USP40: variants seen among roughly 807,000 people sequenced by gnomAD.
The protein encoded by USP40 is ubiquitin carboxyl-terminal hydrolase 40.
A neutral mutation model predicts 166.2 loss-of-function variants in USP40; 143 were observed. That is an observed-to-expected ratio of 0.86 (90% CI 0.75 to 0.99). The LOEUF (loss-of-function observed/expected upper bound fraction) is 0.99, where lower values mean the gene tolerates loss of function less well. USP40 is among the 50% of genes least tolerant of loss of function. The pLI, the probability that USP40 is intolerant of heterozygous loss-of-function variation, is 0.00. For synonymous variants in USP40, 498 were observed against 524.0 expected (o/e 0.95, Z 0.68); for missense variants, 1,444 against 1,479.7 (o/e 0.98, Z 0.40).
intron 18 of USP40, among the ~76,000 whole-genome samples, chr2:233,517,781 GGTGTGTGTGTGTGTGTGTGTGT>G (rs111938537): frequency 1.4e-5 from 2 of 142,170 alleles, no homozygotes; most frequent in African/African-American, 2.6e-5. Context: ...AAGAAACTGT[GGTGTGTGTGTGTGTGTGTGTGT>G]GTGTGTGTGT....
intron 30 of USP40, among the ~76,000 whole-genome samples, chr2:233,481,955 G>A (rs1381301445): frequency 6.6e-6 from 1 of 152,216 alleles, no homozygotes; most frequent in African/African-American, 2.4e-5. Context: ...ACAGCGCAGG[G>A]TCTGCGGGGT....
chr2:233,488,076 C>A, intron 28 of USP40, 163 bp downstream of exon 28: 1 of 731,400 alleles, frequency 1.4e-6, no homozygotes, highest in African/African-American at 1.7e-5. Flanking sequence ...GTTTTAGATG[C>A]CCAGACATAC....
Position 233,565,498 on chromosome 2 carries a change from T to C in USP40, c.57A>G (p.Gly19=). ...EYSTVSNNQY[G]KGKKLKTKAL... Reference sequence around the variant, plus strand: ...CTTTAGTCTTTAATTTCTTCCCTTTTCCATACTGATTATTAGACACAGTGG... The same window carrying C: ...CTTTAGTCTTTAATTTCTTCCCTTTCCCATACTGATTATTAGACACAGTGG... Residue 19 remains glycine, a synonymous_variant, in exon 2 of 32, where the codon GGA becomes GGG. Transcript: ENST00000678225. 1 of 1,537,266 alleles carries C rather than the reference T, an allele frequency of 6.5e-7. No individual in the cohort carries two copies. Among genetic ancestry groups the C allele is most frequent in the East Asian group, 2.4e-5 (1 of 41,032 alleles).
chr2:233,499,696 T>C (rs952205617), intron 22 of USP40, among the ~76,000 whole-genome samples, 183 bp downstream of exon 22: 15 of 152,202 alleles, frequency 9.9e-5, no homozygotes, highest in African/African-American at 3.6e-4. Context: ...GCTATACCAT[T>C]AGTTTTCTTT....
rs551390993 is a variant in USP40, at chr2:233,529,045, A to C, written c.1553+386T>G. On this transcript the variant is annotated intron_variant, in intron 12 of 31. Transcript: ENST00000678225. Reference sequence around the variant, plus strand: ...CCCACCACTGATCCTCTCTCACTACATGCCAGTTCGCTACAACTACTTACC... The same window carrying C: ...CCCACCACTGATCCTCTCTCACTACCTGCCAGTTCGCTACAACTACTTACC... Among the ~76,000 whole-genome samples, 25 of 152,266 alleles carry C rather than the reference A, an allele frequency of 1.6e-4. No individual in the cohort carries two copies. In the South Asian group the frequency reaches 2.1e-3, roughly 13 times the overall value.
At chr2:233,540,548 C>T (rs937961677) in intron 10 of USP40, 114 bp downstream of exon 10, 67 of 630,800 alleles carry the variant, frequency 1.1e-4, no homozygotes, top group African/African-American at 9.6e-4. Flanking sequence ...TATACAAATA[C>T]GGTGATTTTA....
chr2:233,534,290 A>C (rs1430983685), intron 10 of USP40, among the ~76,000 whole-genome samples: 1 of 152,176 alleles, frequency 6.6e-6, no homozygotes, highest in Non-Finnish European at 1.5e-5. Context: ...TCAGAAAATC[A>C]AAGCATAGTA....
chr2:233,548,030 C>G (rs1053413516), intron 8 of USP40, among the ~76,000 whole-genome samples: 1 of 151,798 alleles, frequency 6.6e-6, no homozygotes, highest in Non-Finnish European at 1.5e-5. Flanking sequence ...AAAAAATGAA[C>G]AATGGAATAG....
Position 233,491,239 on chromosome 2 carries a change from C to A in USP40, c.2940G>T (p.Ala980=), listed in dbSNP as rs557080356. The change falls in exon 26 of 32, where the codon GCG becomes GCT. Residue 980 remains alanine (A), a synonymous_variant. Transcript: ENST00000678225. ...CTCCCAAGTAGAGGAGAGAAACTTG[C>A]GCAGGCTCGTTCCCAGAAGCACCTT... is the stretch of plus-strand genomic sequence containing the variant. ...SSQGASGNEP[A]QVSLLYLGDI... is the part of the protein sequence containing the mutation. 1 of 1,612,016 alleles carries A rather than the reference C, an allele frequency of 6.2e-7. No individual in the cohort carries two copies. The highest frequency in any genetic ancestry group is 2.2e-5 in the East Asian group (1 of 44,866).
intron 16 of USP40, among the ~76,000 whole-genome samples, chr2:233,521,995 C>T (rs947186303): frequency 6.6e-6 from 1 of 152,194 alleles, no homozygotes; most frequent in African/African-American, 2.4e-5. Context: ...CCCTATTTGA[C>T]AGACAAGAAG....
chr2:233,507,190 G>A (rs1384175008), intron 21 of USP40, among the ~76,000 whole-genome samples: 1 of 152,158 alleles, frequency 6.6e-6, no homozygotes. Context: ...TTACAAGAAT[G>A]TGGTGAAAAG....
At chr2:233,558,001 C>CAAAA (rs71058563) in intron 4 of USP40, among the ~76,000 whole-genome samples, 17 of 51,338 alleles carry the variant, frequency 3.3e-4, no homozygotes, top group African/African-American at 4.1e-4. Flanking sequence ...GACCTCATCT[C>CAAAA]AAAAAAAAAA....
chr2:233,489,321 T>G (rs1415247590), intron 27 of USP40, 44 bp downstream of exon 27: 7 of 1,514,700 alleles, frequency 4.6e-6, no homozygotes, highest in Non-Finnish European at 6.3e-6. Flanking sequence ...AGCCAGTGCG[T>G]CAGCAGCAGA....
chr2:233,559,660 T>C, intron 4 of USP40, 151 bp downstream of exon 4: 1 of 512,704 alleles, frequency 2.0e-6, no homozygotes, highest in Non-Finnish European at 3.4e-6. Flanking sequence ...AATATATATT[T>C]CTGGCTTGTA....
At chr2:233,551,283 G>C (rs1026128154) in intron 7 of USP40, 93 bp downstream of exon 7, 5 of 1,344,812 alleles carry the variant, frequency 3.7e-6, no homozygotes, top group Non-Finnish European at 5.0e-6. Flanking sequence ...AAGGTTTAGA[G>C]ATTCTCACAA....
intron 6 of USP40, among the ~76,000 whole-genome samples, chr2:233,553,937 G>A (rs1438695623): frequency 6.6e-6 from 1 of 152,176 alleles, no homozygotes; most frequent in Non-Finnish European, 1.5e-5. Context: ...TCCCACCTGG[G>A]GGAGGAGGTA....
intron 8 of USP40, among the ~76,000 whole-genome samples, chr2:233,548,348 G>T (rs2070195002): frequency 6.6e-6 from 1 of 152,094 alleles, no homozygotes. Flanking sequence ...ACAGACACGG[G>T]ATTTATTGTT....
In USP40 at chr2:233,496,768, A is replaced by C. The variant is rs2065772212; in HGVS notation, c.2780T>G (p.Leu927Arg). 2 of 1,612,126 alleles carry C rather than the reference A, an allele frequency of 1.2e-6. No homozygotes were observed. The highest frequency in any genetic ancestry group is 2.7e-5 in the African/African-American group (2 of 74,862). The change falls in exon 24 of 32, where the codon CTT (leucine) becomes CGT (arginine). Residue 927 changes from leucine to arginine, a missense_variant. By Grantham distance (102) the Leu-to-Arg change is moderately radical (BLOSUM62 -2). Transcript: ENST00000678225. ...GAAGTAAAATCTTACCAGAGGAGGAAGTTGTCCTTCAATTAAAAGCAAAGT... is the reference window on the plus strand; with the variant it reads ...GAAGTAAAATCTTACCAGAGGAGGACGTTGTCCTTCAATTAAAAGCAAAGT... ...GDTLLLIEGQ[L>R]PPLGFLKVPI...
At chr2:233,517,796 G>A (rs1395336810) in intron 18 of USP40, among the ~76,000 whole-genome samples, 2 of 151,086 alleles carry the variant, frequency 1.3e-5, no homozygotes, top group Non-Finnish European at 3.0e-5. Context: ...GTGTGTGTGT[G>A]TGTGTGTGTG....
Sources: gnomAD v4.1 joint callset for allele counts (sites outside exome capture counted in the v4.1 genomes callset) on GRCh38, gnomAD v4.1.1 for gene constraint, MANE v1.5 for transcripts, NCBI Gene and HGNC (gene_info 2026-07-23, HGNC 2026-07-21) for gene names.